COBL: variants seen among roughly 807,000 people sequenced by gnomAD.
COBL encodes cordon-bleu WH2 repeat protein, also known as protein cordon-bleu.
In COBL, 51 loss-of-function variants were observed where a neutral mutation model predicts 98.8. That is an observed-to-expected ratio of 0.52 (90% confidence interval 0.41 to 0.65). COBL has a LOEUF of 0.65. Ranked by LOEUF, COBL falls within the 30% of genes least tolerant of loss-of-function variation. The probability of loss-of-function intolerance (pLI) is 0.00; values close to 1 mark genes in which losing one functional copy is unlikely to be tolerated. For missense variants in COBL, 1,617 were observed against 1,617.5 expected, an observed-to-expected ratio of 1.00 and a Z score of 0.01; for synonymous variants, 634 against 651.7, an observed-to-expected ratio of 0.97 and a Z score of 0.41.
chr7:51,031,881 G>A (rs2240092), intron 8 of COBL: 139,964 of 152,252 alleles, frequency 0.92, 64,515 homozygotes, highest in Middle Eastern at 0.96. Context: ...AGCAACAGTA[G>A]CAGGAGTAAC....
chr7:51,247,059 T>C (rs1796326054), intron 1 of COBL, among the ~76,000 whole-genome samples: 2 of 152,192 alleles, frequency 1.3e-5, no homozygotes, highest in African/African-American at 4.8e-5. Flanking sequence ...AACCAGCGGA[T>C]ACCTGTGGTC....
intron 5 of COBL, among the ~76,000 whole-genome samples, chr7:51,146,876 G>A (rs1785082127): frequency 1.3e-5 from 2 of 152,190 alleles, no homozygotes; most frequent in Admixed American, 1.3e-4. Flanking sequence ...TAATAGGAGG[G>A]CTGTGATCCA....
At chr7:51,196,795 A>T (rs1196370415) in intron 2 of COBL, among the ~76,000 whole-genome samples, 1 of 150,650 alleles carries the variant, frequency 6.6e-6, no homozygotes, top group Admixed American at 6.6e-5. Context: ...TTTCTTCCAG[A>T]TTTTCTAGTT....
intron 5 of COBL, among the ~76,000 whole-genome samples, chr7:51,180,669 TA>T (rs2129049955): frequency 6.6e-6 from 1 of 152,352 alleles, no homozygotes; most frequent in African/African-American, 2.4e-5. Context: ...TATTTTTCAA[TA>T]ACCCACCTGT....
intron 5 of COBL, among the ~76,000 whole-genome samples, chr7:51,174,263 T>C (rs934015497): frequency 3.9e-5 from 6 of 152,150 alleles, no homozygotes; most frequent in Admixed American, 6.6e-5. Context: ...CCTAAGTTTC[T>C]TCCCTGCAAA....
intron 6 of COBL, among the ~76,000 whole-genome samples, chr7:51,085,801 C>T (rs1224875091): frequency 6.6e-6 from 1 of 152,176 alleles, no homozygotes; most frequent in Non-Finnish European, 1.5e-5. Context: ...GTTCACGTTC[C>T]AGAGCAGCTG....
chr7:51,153,120 T>A (rs187413096), intron 5 of COBL, among the ~76,000 whole-genome samples: 71 of 152,304 alleles, frequency 4.7e-4, no homozygotes, highest in Non-Finnish European at 9.3e-4. Context: ...CCAGCTGCCA[T>A]GGGGGATTGT....
Position 51,027,698 on chromosome 7 carries a change from G to A in COBL, c.3384+14C>T. The A allele has an allele frequency of 6.3e-7, 1 of 1,599,032 alleles. No individual in the cohort carries two copies. Reference sequence around the variant, plus strand: ...CAGGTGTGGAAGGCCTGCCCCGGAAGCCGCCATCCTCACCTTGCGTAGTCT... The same window carrying A: ...CAGGTGTGGAAGGCCTGCCCCGGAAACCGCCATCCTCACCTTGCGTAGTCT... On this transcript the variant is annotated intron_variant, in intron 10 of 12. Coordinates refer to ENST00000265136, the MANE Select transcript of COBL (RefSeq NM_015198.5).
In COBL at chr7:51,200,525, T is replaced by C. The variant is rs112000264; in HGVS notation, c.246-6936A>G. Among the ~76,000 whole-genome samples the C allele has an allele frequency of 9.3e-3, 1,414 of 152,312 alleles. 20 individuals are homozygous for C. The highest frequency in any genetic ancestry group is 0.032 in the African/African-American group (1,333 of 41,560). On this transcript the variant is annotated intron_variant, in intron 2 of 12. Transcript: ENST00000265136. Reference sequence around the variant, plus strand: ...GGAAGTAAACTGTAGAGCGCCTGTATATGATTGAAGTGAAGTGGATATCAG... The same window carrying C: ...GGAAGTAAACTGTAGAGCGCCTGTACATGATTGAAGTGAAGTGGATATCAG...
At position 51,188,064 on chromosome 7, in the gene COBL, G is replaced by C. The variant is rs10241270; in HGVS notation, c.685+2786C>G. The C allele has an allele frequency of 9.2e-4, 850 of 922,872 alleles. 5 individuals carry two copies. In the African/African-American group the frequency reaches 0.013, roughly 14 times the overall value. The allele number at this position is 922,872 out of a possible 1,614,324, so 57.2% of individuals were successfully genotyped here. A position where few individuals can be genotyped will look rare whatever the true frequency, so the allele number is the denominator to read the frequency against. ...AGCCTCAGAGGGGGGCTGTCCTGCT[G>C]CAGCAGTGAGAAGGTCTCTTGCTGG... On this transcript the variant is annotated intron_variant, in intron 4 of 12. Transcript: ENST00000265136.
intron 1 of COBL, among the ~76,000 whole-genome samples, chr7:51,229,717 A>G (rs1052960063): frequency 3.3e-5 from 5 of 152,106 alleles, no homozygotes; most frequent in African/African-American, 9.7e-5. Flanking sequence ...AAACTACGCA[A>G]CCAGAAGCTC....
chr7:51,152,287 G>C (rs757732535), intron 5 of COBL, among the ~76,000 whole-genome samples: 44 of 152,170 alleles, frequency 2.9e-4, no homozygotes, highest in Admixed American at 2.4e-3. Context: ...TTAACCATAA[G>C]TCAAATAAAA....
chr7:51,055,558 G>A (rs1327932709), intron 7 of COBL, among the ~76,000 whole-genome samples: 6 of 152,160 alleles, frequency 3.9e-5, no homozygotes, highest in African/African-American at 9.7e-5. Flanking sequence ...GTGTCAGAAC[G>A]CCCTGGAGGG....
chr7:51,084,912 C>A (rs982673389), intron 7 of COBL, among the ~76,000 whole-genome samples: 1 of 152,148 alleles, frequency 6.6e-6, no homozygotes, highest in African/African-American at 2.4e-5. Flanking sequence ...CACCCTCTCC[C>A]GGCTCCTGCA....
At chr7:51,106,965 C>T (rs1039894994) in intron 6 of COBL, among the ~76,000 whole-genome samples, 1 of 151,578 alleles carries the variant, frequency 6.6e-6, no homozygotes, top group Non-Finnish European at 1.5e-5. Context: ...AGCTTATAAT[C>T]GTATAAATTT....
At chr7:51,146,990 A>AGG (rs1785091335) in intron 5 of COBL, among the ~76,000 whole-genome samples, 1 of 152,168 alleles carries the variant, frequency 6.6e-6, no homozygotes, top group Non-Finnish European at 1.5e-5. Flanking sequence ...GGGAGCCAGC[A>AGG]GGGGGTTGCT....
At chr7:51,291,547 G>T (rs930523221) in intron 1 of COBL, among the ~76,000 whole-genome samples, 16 of 152,056 alleles carry the variant, frequency 1.1e-4, no homozygotes, top group Non-Finnish European at 8.8e-5. Context: ...GATCACCTGA[G>T]ATCAGGAGTT....
Position 51,017,438 on chromosome 7 carries a change from T to G in COBL, c.*113A>C. 2 of 1,110,688 alleles carry G rather than the reference T, an allele frequency of 1.8e-6. No individual in the cohort carries two copies. Among genetic ancestry groups the G allele is most frequent in the Non-Finnish European group, 2.8e-6 (2 of 726,696 alleles). 68.8% of individuals were successfully genotyped at this position (1,110,688 alleles called of 1,614,324 possible). On this transcript the variant is annotated 3_prime_UTR_variant, in exon 13 of 13. Transcript: ENST00000265136. Reference sequence around the variant, plus strand: ...GAAAATCAACTGTGCGCATTTGGCCTGTAGACAAGAAAGTAACACCAAAAC... The same window carrying G: ...GAAAATCAACTGTGCGCATTTGGCCGGTAGACAAGAAAGTAACACCAAAAC...
chr7:51,316,795 GC>G lies in COBL; in HGVS notation c.-163del. On this transcript the variant is annotated 5_prime_UTR_variant, in exon 1 of 13. Coordinates refer to ENST00000265136, the MANE Select transcript of COBL (RefSeq NM_015198.5). ...CGGCGGAGCGCGGCGGACGGAAGGG[GC>G]TGGAATCGTCTCTAGCGGGCGGGGG... 2.0e-6 allele frequency: 1 copy of G among 497,140 alleles called. No individual in the cohort carries two copies. 30.8% of individuals were successfully genotyped at this position (497,140 alleles called of 1,614,324 possible).
Sources: gnomAD v4.1 joint callset for allele counts (sites outside exome capture counted in the v4.1 genomes callset) on GRCh38, gnomAD v4.1.1 for gene constraint, MANE v1.5 for transcripts, NCBI Gene and HGNC (gene_info 2026-07-23, HGNC 2026-07-21) for gene names.